Variants in IDE observed in about 807,000 individuals in gnomAD.
The protein encoded by IDE is insulin-degrading enzyme.
A neutral mutation model predicts 133.2 loss-of-function variants in IDE; 58 were observed. That is an observed-to-expected ratio of 0.44 (90% CI 0.35 to 0.54). The LOEUF (loss-of-function observed/expected upper bound fraction) is 0.54. Among genes scored for constraint, IDE ranks in the 20% least tolerant of loss-of-function variants. The pLI is 0.00. For missense variants in IDE, 981 were observed against 1,234.0 expected (o/e 0.79, Z 3.07); for synonymous variants, 396 against 421.3 (o/e 0.94, Z 0.73).
intron 7 of IDE, 96 bp from the exon 8 acceptor site, chr10:92,508,301 A>G (rs908763304): frequency 2.2e-6 from 2 of 912,608 alleles, no homozygotes; most frequent in African/African-American, 1.7e-5. Flanking sequence ...TGTTCCTAAG[A>G]TATCAGAATG....
At chr10:92,529,699 ACC>A (rs540332692) in intron 4 of IDE, among the ~76,000 whole-genome samples, 98 of 151,972 alleles carry the variant, frequency 6.4e-4, no homozygotes, top group African/African-American at 2.1e-3. Flanking sequence ...ACATAGTGAG[ACC>A]CCACCTCTAC....
At chr10:92,482,486 G>A (rs1178047477) in intron 14 of IDE, among the ~76,000 whole-genome samples, 1 of 152,068 alleles carries the variant, frequency 6.6e-6, no homozygotes, top group Non-Finnish European at 1.5e-5. Flanking sequence ...AGTATCTAAG[G>A]GTTCCAGACA....
intron 11 of IDE, 46 bp downstream of exon 11, chr10:92,504,748 T>C: frequency 2.1e-6 from 2 of 953,292 alleles, no homozygotes; most frequent in Non-Finnish European, 3.3e-6. Context: ...TTCTAATCAT[T>C]ATTGAAAATT....
In IDE at chr10:92,454,445, C is replaced by CA; in HGVS notation, c.3058dup (p.Ter1020LeufsTer21). On this transcript the variant is annotated frameshift_variant and stop_lost, in exon 25 of 25. Coordinates refer to ENST00000265986, the MANE Select transcript of IDE (RefSeq NM_004969.4). LOFTEE classifies it high-confidence loss of function. Reference sequence around the variant, plus strand: ...CACTTTCCCATGCATGGGGAATCTTCAGAGTTTTGCAGCCATGAAGTTAAT... The same window carrying CA: ...CACTTTCCCATGCATGGGGAATCTTCAAGAGTTTTGCAGCCATGAAGTTAAT... 1 of 1,606,472 alleles carries CA rather than the reference C, an allele frequency of 6.2e-7. No homozygotes were observed. The highest frequency in any genetic ancestry group is 8.5e-7 in the Non-Finnish European group (1 of 1,172,950).
At chr10:92,517,619 T>A (rs1848998061) in intron 4 of IDE, among the ~76,000 whole-genome samples, 1 of 152,200 alleles carries the variant, frequency 6.6e-6, no homozygotes. Flanking sequence ...AGGGTCTATG[T>A]TACCCAGGTT....
chr10:92,512,522 C>A (rs1848685080), intron 5 of IDE, among the ~76,000 whole-genome samples: 2 of 149,644 alleles, frequency 1.3e-5, no homozygotes, highest in Admixed American at 6.6e-5. Context: ...TAAATGTTTA[C>A]TGAAATCATG....
chr10:92,519,071 T>A (rs1161261609), intron 4 of IDE, among the ~76,000 whole-genome samples: 1 of 150,572 alleles, frequency 6.6e-6, no homozygotes, highest in Non-Finnish European at 1.5e-5. Flanking sequence ...ACATAATACT[T>A]AATAAATAAA....
chr10:92,485,125 CT>C (rs34615998), intron 13 of IDE, among the ~76,000 whole-genome samples: 34,058 of 100,414 alleles, frequency 0.34, 4,055 homozygotes, highest in East Asian at 0.6. Flanking sequence ...TTCTTTCTTT[CT>C]TTTTTTTTTT....
At chr10:92,564,993 C>T (rs1843463578) in intron 1 of IDE, among the ~76,000 whole-genome samples, 1 of 151,918 alleles carries the variant, frequency 6.6e-6, no homozygotes, top group Non-Finnish European at 1.5e-5. Context: ...TGCCTGTAAT[C>T]CCAGCACTTT....
In IDE at chr10:92,574,006, AG is replaced by A. The variant is rs533083105; in HGVS notation, c.13del (p.Leu5Ter). 1.2e-3 allele frequency: 1,860 copies of A among 1,512,810 alleles called. 2 individuals are homozygous for A. Among genetic ancestry groups the A allele is most frequent in the Middle Eastern group, 3.0e-3 (17 of 5,636 alleles). The allele number at this position is 1,512,810 out of a possible 1,614,324, so 93.7% of individuals were successfully genotyped here. ...CAGTGCGGGGTGCAGAAGCCACGCTAGCCGGTACCGCATTAGCCAGCGCAGT... is the reference window on the plus strand; with the variant it reads ...CAGTGCGGGGTGCAGAAGCCACGCTACCGGTACCGCATTAGCCAGCGCAGT... Reference protein sequence around the residue: MRYRLAWLLHPALPS... With the variant: MRYRXAWLLHPALPS... On this transcript the variant is annotated frameshift_variant, in exon 1 of 25. Coordinates refer to ENST00000265986, the MANE Select transcript of IDE (RefSeq NM_004969.4). LOFTEE classifies it high-confidence loss of function.
At position 92,461,193 on chromosome 10, in the gene IDE, T is replaced by C. The variant is rs778588284; in HGVS notation, c.2821A>G (p.Lys941Glu). The change falls in exon 22 of 25, where the codon AAG (lysine) becomes GAG (glutamate). Residue 941 changes from lysine to glutamate, a missense_variant and splice_region_variant. By Grantham distance (56) the Lys-to-Glu change is moderately conservative (BLOSUM62 1). Coordinates refer to ENST00000265986, the MANE Select transcript of IDE (RefSeq NM_004969.4). ...LTKEDIIKFY[K>E]EMLAVDAPRR... Reference sequence around the variant, plus strand: ...CTAAATATATGAATTTGACTTACCTTGTAGAATTTGATGATATCTTCCTTG... The same window carrying C: ...CTAAATATATGAATTTGACTTACCTCGTAGAATTTGATGATATCTTCCTTG... The C allele has an allele frequency of 8.1e-6, 11 of 1,365,952 alleles. No homozygotes were observed. In the Admixed American group the frequency reaches 1.5e-4, roughly 19 times the overall value. The allele number at this position is 1,365,952 out of a possible 1,614,324, so 84.6% of individuals were successfully genotyped here. A position where few individuals can be genotyped will look rare whatever the true frequency, so the allele number is the denominator to read the frequency against.
intron 18 of IDE, among the ~76,000 whole-genome samples, 196 bp downstream of exon 18, chr10:92,470,058 G>C (rs759137918): frequency 1.3e-5 from 2 of 152,176 alleles, no homozygotes; most frequent in Non-Finnish European, 2.9e-5. Flanking sequence ...AGGCAGCCAT[G>C]AAAGTTAGGT....
chr10:92,531,601 T>C (rs1849927926), intron 4 of IDE, 147 bp downstream of exon 4: 2 of 316,880 alleles, frequency 6.3e-6, no homozygotes, highest in African/African-American at 4.4e-5. Context: ...AAATCTATCC[T>C]GAATTGTAAA....
intron 24 of IDE, among the ~76,000 whole-genome samples, chr10:92,455,344 C>T (rs1019699605): frequency 4.1e-4 from 62 of 152,178 alleles, no homozygotes; most frequent in African/African-American, 1.4e-3. Context: ...GGCATGGTGG[C>T]GTGTGCCTGT....
chr10:92,495,379 C>T (rs1014393559), intron 11 of IDE, among the ~76,000 whole-genome samples: 1 of 152,102 alleles, frequency 6.6e-6, no homozygotes, highest in Non-Finnish European at 1.5e-5. Flanking sequence ...CGCCACCATG[C>T]CTGGCTAATT....
intron 4 of IDE, among the ~76,000 whole-genome samples, chr10:92,528,268 G>C (rs1337531139): frequency 1.3e-5 from 2 of 152,100 alleles, no homozygotes; most frequent in Non-Finnish European, 2.9e-5. Context: ...TAATCATGAA[G>C]TTTGACAATA....
At chr10:92,492,328 G>C (rs1318555126) in intron 11 of IDE, among the ~76,000 whole-genome samples, 2 of 152,032 alleles carry the variant, frequency 1.3e-5, no homozygotes, top group Non-Finnish European at 2.9e-5. Context: ...CAAAAGATAA[G>C]TGAACAAAAA....
intron 24 of IDE, among the ~76,000 whole-genome samples, chr10:92,454,741 C>A (rs1486628345): frequency 6.6e-6 from 1 of 152,100 alleles, no homozygotes; most frequent in African/African-American, 2.4e-5. Context: ...TCTGGAGGGT[C>A]GTGAATTGGT....
chr10:92,564,671 C>CAAAAAAAAAAAAAAA lies in IDE; in HGVS notation c.98+9236_98+9250dup, dbSNP rs532861372. On this transcript the variant is annotated intron_variant, in intron 1 of 24. Transcript: ENST00000265986. Reference sequence around the variant, plus strand: ...CCTGGGCGATAAAGCGAGACTGTCTCAAAAAAAAAAAAAAAAAAAAAAAAA... The same window carrying CAAAAAAAAAAAAAAA: ...CCTGGGCGATAAAGCGAGACTGTCTCAAAAAAAAAAAAAAAAAAAAAAAAAAAAAAAAAAAAAAAA... 2.8e-4 allele frequency among the ~76,000 whole-genome samples: 9 copies of CAAAAAAAAAAAAAAA among 31,586 alleles called. 1 individual carries two copies. Among genetic ancestry groups the CAAAAAAAAAAAAAAA allele is most frequent in the South Asian group, 9.9e-4 (1 of 1,012 alleles). 20.7% of individuals were successfully genotyped at this position (31,586 alleles called of 152,430 possible).
Sources: allele counts gnomAD v4.1 joint callset (sites outside exome capture counted in the v4.1 genomes callset), GRCh38; gene constraint gnomAD v4.1.1; transcripts MANE v1.5; gene names NCBI Gene and HGNC (gene_info 2026-07-23, HGNC 2026-07-21).